CEP70: variants seen among roughly 807,000 people sequenced by gnomAD.
The protein encoded by CEP70 is centrosomal protein 70.
CEP70 carries 70 observed loss-of-function variants against 90.9 expected under a neutral mutation model. That is an observed-to-expected ratio of 0.77 (90% CI 0.64 to 0.94). The LOEUF is 0.94. CEP70 is among the 40% of genes least tolerant of loss of function. The pLI is 0.00. For missense variants in CEP70, 648 were observed against 669.0 expected (o/e 0.97, Z 0.35); for synonymous variants, 220 against 228.3 (o/e 0.96, Z 0.33).
chr3:138,542,999 C>G (rs1348373991), intron 6 of CEP70, among the ~76,000 whole-genome samples: 1 of 152,200 alleles, frequency 6.6e-6, no homozygotes, highest in Non-Finnish European at 1.5e-5. Flanking sequence ...GAAGTATGTG[C>G]TGACTGGTCC....
At chr3:138,560,984 G>C (rs748090204) in intron 6 of CEP70, among the ~76,000 whole-genome samples, 4 of 152,172 alleles carry the variant, frequency 2.6e-5, no homozygotes, top group East Asian at 1.9e-4. Context: ...GCTCTGAAGA[G>C]AGCAGCAGAT....
At chr3:138,498,491 C>T (rs2034159032) in intron 16 of CEP70, among the ~76,000 whole-genome samples, 2 of 151,730 alleles carry the variant, frequency 1.3e-5, no homozygotes, top group South Asian at 4.2e-4. Flanking sequence ...CCTGCCACTA[C>T]GCCCGACTAA....
chr3:138,520,216 T>A (rs1257159822), intron 11 of CEP70, among the ~76,000 whole-genome samples: 1 of 152,090 alleles, frequency 6.6e-6, no homozygotes, highest in Non-Finnish European at 1.5e-5. Flanking sequence ...AGACTTAGAC[T>A]CCCACACAAT....
At chr3:138,512,358 C>G (rs573385251) in intron 11 of CEP70, among the ~76,000 whole-genome samples, 1 of 152,270 alleles carries the variant, frequency 6.6e-6, no homozygotes, top group South Asian at 2.1e-4. Flanking sequence ...TGCAGTTATT[C>G]TAGTGCCTTG....
Position 138,500,895 on chromosome 3 carries a change from G to T in CEP70, c.1222-14C>A, listed in dbSNP as rs2034449525. The T allele has an allele frequency of 1.4e-6, 2 of 1,381,972 alleles. No individual in the cohort carries two copies. The highest frequency in any genetic ancestry group is 1.6e-5 in the South Asian group (1 of 61,534). The allele number at this position is 1,381,972 out of a possible 1,614,324, so 85.6% of individuals were successfully genotyped here. On this transcript the variant is annotated splice_polypyrimidine_tract_variant and intron_variant, in intron 13 of 17. Coordinates refer to ENST00000264982, the MANE Select transcript of CEP70 (RefSeq NM_024491.4). ...CTTATACAAATCCTTTATAACAAAA[G>T]AAACTATATGGTATTATTGATTTAA...
intron 10 of CEP70, among the ~76,000 whole-genome samples, chr3:138,528,321 G>A (rs2037488277): frequency 6.6e-6 from 1 of 152,112 alleles, no homozygotes; most frequent in African/African-American, 2.4e-5. Context: ...TGAGATTACA[G>A]GTGAAAGCCA....
At position 138,500,776 on chromosome 3, in the gene CEP70, T is replaced by C. The variant is rs138124965; in HGVS notation, c.1327A>G (p.Ile443Val). The C allele has an allele frequency of 5.0e-6, 8 of 1,606,352 alleles. No homozygotes were observed. In the African/African-American group the frequency reaches 5.4e-5, roughly 11 times the overall value. ...ACTTCTTCCAGCATAGTATCTACTATAAACAACAAATCTTCAACTTTGATA... is the reference window on the plus strand; with the variant it reads ...ACTTCTTCCAGCATAGTATCTACTACAAACAACAAATCTTCAACTTTGATA... Reference protein sequence around the residue: ...EGIKVEDLLFIVDTMLEEVEN... With the variant: ...EGIKVEDLLFVVDTMLEEVEN... Residue 443 changes from isoleucine (I) to valine (V), a missense_variant, in exon 14 of 18, where the codon ATA becomes GTA. Coordinates refer to ENST00000264982, the MANE Select transcript of CEP70 (RefSeq NM_024491.4).
chr3:138,521,352 T>C (rs1649518247), intron 11 of CEP70, among the ~76,000 whole-genome samples: 1 of 151,118 alleles, frequency 6.6e-6, no homozygotes, highest in South Asian at 2.1e-4. Context: ...CCACCCCGTC[T>C]GGGAAGTGAG....
chr3:138,528,454 A>C (rs913953678), intron 10 of CEP70, among the ~76,000 whole-genome samples: 1 of 152,236 alleles, frequency 6.6e-6, no homozygotes, highest in Non-Finnish European at 1.5e-5. Flanking sequence ...ACGGGAAAGA[A>C]CTGACTAAAG....
intron 2 of CEP70, among the ~76,000 whole-genome samples, 195 bp downstream of exon 2, chr3:138,591,655 GCTTT>G (rs2042389637): frequency 6.6e-6 from 1 of 152,200 alleles, no homozygotes; most frequent in Non-Finnish European, 1.5e-5. Context: ...TTGGTGATCA[GCTTT>G]CTGTGTTATC....
At chr3:138,507,279 A>C (rs1013321185) in intron 12 of CEP70, among the ~76,000 whole-genome samples, 6 of 152,220 alleles carry the variant, frequency 3.9e-5, no homozygotes, top group Non-Finnish European at 7.3e-5. Context: ...GAAGACTATA[A>C]AAGATGACCC....
intron 11 of CEP70, among the ~76,000 whole-genome samples, chr3:138,510,303 C>T (rs1476714782): frequency 6.6e-6 from 1 of 151,340 alleles, no homozygotes; most frequent in Non-Finnish European, 1.5e-5. Context: ...TATGGTGGCG[C>T]ATGCCTGTAG....
intron 17 of CEP70, chr3:138,496,640 G>A: frequency 1.0e-6 from 1 of 985,216 alleles, no homozygotes; most frequent in Non-Finnish European, 1.2e-6. Flanking sequence ...ACTCACTAAA[G>A]GTACTCTCCA....
At chr3:138,556,674 C>CG (rs1553858461) in intron 6 of CEP70, among the ~76,000 whole-genome samples, 1 of 151,796 alleles carries the variant, frequency 6.6e-6, no homozygotes, top group Non-Finnish European at 1.5e-5. Flanking sequence ...GCTGGGCGTC[C>CG]GGGGGAGACA....
intron 11 of CEP70, among the ~76,000 whole-genome samples, chr3:138,518,062 C>T (rs1487519527): frequency 1.3e-5 from 2 of 152,334 alleles, no homozygotes; most frequent in South Asian, 4.1e-4. Flanking sequence ...GAGGGTCCTA[C>T]GCCCATGGAG....
At chr3:138,562,929 C>G (rs1290221673) in intron 6 of CEP70, among the ~76,000 whole-genome samples, 1 of 152,074 alleles carries the variant, frequency 6.6e-6, no homozygotes, top group Admixed American at 6.6e-5. Context: ...AGAGTCAAGA[C>G]CCATCAGTGT....
At chr3:138,520,093 T>A (rs1267913173) in intron 11 of CEP70, among the ~76,000 whole-genome samples, 2 of 152,152 alleles carry the variant, frequency 1.3e-5, no homozygotes, top group Admixed American at 6.5e-5. Context: ...AGAAGGCCAT[T>A]ACATAATGGT....
chr3:138,534,188 G>A (rs2038075103), intron 7 of CEP70, among the ~76,000 whole-genome samples: 1 of 152,114 alleles, frequency 6.6e-6, no homozygotes, highest in South Asian at 2.1e-4. Flanking sequence ...ACAATATACT[G>A]TTTCCCTCCT....
intron 6 of CEP70, among the ~76,000 whole-genome samples, chr3:138,541,197 G>C (rs550320192): frequency 6.6e-6 from 1 of 152,110 alleles, no homozygotes; most frequent in Non-Finnish European, 1.5e-5. Context: ...GTTTACCTAC[G>C]TAACAAACCT....
Sources: gnomAD v4.1 joint callset for allele counts (sites outside exome capture counted in the v4.1 genomes callset) on GRCh38, gnomAD v4.1.1 for gene constraint, MANE v1.5 for transcripts, NCBI Gene and HGNC (gene_info 2026-07-23, HGNC 2026-07-21) for gene names.